Variants in ARL15 observed in about 807,000 individuals in gnomAD.
ARL15 encodes ADP-ribosylation factor-like protein 15.
A neutral mutation model predicts 25.2 loss-of-function variants in ARL15; 19 were observed. That is an observed-to-expected ratio of 0.75 (90% CI 0.53 to 1.10). The LOEUF is 1.10. Among genes scored for constraint, ARL15 ranks in the 50% least tolerant of loss-of-function variants. The pLI, the probability that ARL15 is intolerant of heterozygous loss-of-function variation, is 0.00. For missense variants in ARL15, 220 were observed against 246.0 expected (o/e 0.89, Z 0.71); for synonymous variants, 94 against 86.8 (o/e 1.08, Z -0.46).
intron 1 of ARL15, among the ~76,000 whole-genome samples, chr5:54,192,047 C>T (rs560867513): frequency 6.6e-6 from 1 of 152,282 alleles, no homozygotes; most frequent in East Asian, 1.9e-4. Flanking sequence ...GCAACCTGGC[C>T]TTCTTGCAGT....
chr5:54,136,361 T>G (rs1240821738), intron 3 of ARL15, among the ~76,000 whole-genome samples: 2 of 152,234 alleles, frequency 1.3e-5, no homozygotes, highest in African/African-American at 4.8e-5. Flanking sequence ...AAAAGTGAAT[T>G]AAAATGTGAC....
rs139715329 is a variant in ARL15, at chr5:54,156,188, A to C, written c.194-1549T>G. Among the ~76,000 whole-genome samples the C allele has an allele frequency of 1.5e-3, 221 of 152,300 alleles. 3 individuals carry two copies. The highest frequency in any genetic ancestry group is 5.2e-3 in the African/African-American group (215 of 41,556). On this transcript the variant is annotated intron_variant, in intron 2 of 4. Coordinates refer to ENST00000504924, the MANE Select transcript of ARL15 (RefSeq NM_019087.3). ...CTGCATGTTATCCCAGTACTTTAAT[A>C]AGCTGTACATTACCTTCCACCTAAA...
rs551336846 is a variant in ARL15, at chr5:54,178,297, A to G, written c.49-6369T>C. Among the ~76,000 whole-genome samples the G allele has an allele frequency of 3.3e-5, 5 of 152,350 alleles. No individual in the cohort carries two copies. The South Asian group carries it at 1.0e-3, about 32-fold the overall frequency. Reference sequence around the variant, plus strand: ...ATGAATACATGATTTTATTCTGAGCATGATTTCAATTTGATTGAAGCTCTG... The same window carrying G: ...ATGAATACATGATTTTATTCTGAGCGTGATTTCAATTTGATTGAAGCTCTG... On this transcript the variant is annotated intron_variant, in intron 1 of 4. Coordinates refer to ENST00000504924, the MANE Select transcript of ARL15 (RefSeq NM_019087.3).
At chr5:54,198,872 C>T (rs1189201906) in intron 1 of ARL15, among the ~76,000 whole-genome samples, 1 of 152,100 alleles carries the variant, frequency 6.6e-6, no homozygotes, top group South Asian at 2.1e-4. Flanking sequence ...AAGCTGGAGG[C>T]ATCACGCTAT....
intron 1 of ARL15, among the ~76,000 whole-genome samples, chr5:54,240,619 C>T (rs999007313): frequency 1.3e-5 from 2 of 152,162 alleles, no homozygotes; most frequent in Admixed American, 6.5e-5. Context: ...ACCATCAAAT[C>T]CTCAATGCCT....
chr5:53,917,380 A>G (rs1180621489), intron 4 of ARL15, among the ~76,000 whole-genome samples: 1 of 152,232 alleles, frequency 6.6e-6, no homozygotes, highest in Non-Finnish European at 1.5e-5. Context: ...GATAAGATAC[A>G]GACACCTTTT....
At chr5:54,261,414 C>A (rs1399103049) in intron 1 of ARL15, among the ~76,000 whole-genome samples, 1 of 152,032 alleles carries the variant, frequency 6.6e-6, no homozygotes, top group African/African-American at 2.4e-5. Context: ...CTAAAATAAT[C>A]GGTAGATTCC....
At chr5:54,213,798 T>C (rs1756108174) in intron 1 of ARL15, among the ~76,000 whole-genome samples, 1 of 152,152 alleles carries the variant, frequency 6.6e-6, no homozygotes, top group Non-Finnish European at 1.5e-5. Context: ...AAGAAATTAG[T>C]GCAGAAAATT....
At chr5:53,990,318 G>A (rs1340325856) in intron 4 of ARL15, among the ~76,000 whole-genome samples, 1 of 152,122 alleles carries the variant, frequency 6.6e-6, no homozygotes, top group African/African-American at 2.4e-5. Context: ...ATAAAAGAAT[G>A]CTCCTAGAGT....
intron 4 of ARL15, among the ~76,000 whole-genome samples, chr5:54,086,061 T>A (rs1561218237): frequency 6.6e-6 from 1 of 152,064 alleles, no homozygotes; most frequent in African/African-American, 2.4e-5. Flanking sequence ...ATTACAGGCA[T>A]GCGCCACCAC....
intron 4 of ARL15, among the ~76,000 whole-genome samples, chr5:53,887,945 G>A (rs1274829394): frequency 6.6e-6 from 1 of 151,440 alleles, no homozygotes; most frequent in Non-Finnish European, 1.5e-5. Context: ...ATATAAGCCA[G>A]AAGACATATA....
intron 1 of ARL15, among the ~76,000 whole-genome samples, chr5:54,186,135 T>C (rs1425092011): frequency 6.6e-6 from 1 of 152,358 alleles, no homozygotes; most frequent in African/African-American, 2.4e-5. Flanking sequence ...TAAATTTCTA[T>C]GTAGACCTAG....
intron 1 of ARL15, among the ~76,000 whole-genome samples, chr5:54,245,751 C>A (rs1430985606): frequency 6.6e-6 from 1 of 152,098 alleles, no homozygotes; most frequent in Non-Finnish European, 1.5e-5. Context: ...CCATGCCCAG[C>A]TAATTTTTGT....
At chr5:54,248,265 A>G (rs1435928445) in intron 1 of ARL15, among the ~76,000 whole-genome samples, 1 of 152,200 alleles carries the variant, frequency 6.6e-6, no homozygotes, top group Non-Finnish European at 1.5e-5. Context: ...AGTCAAACCA[A>G]CAAAACTATC....
intron 4 of ARL15, among the ~76,000 whole-genome samples, chr5:53,966,827 T>A (rs1275671782): frequency 6.6e-6 from 1 of 152,188 alleles, no homozygotes; most frequent in African/African-American, 2.4e-5. Flanking sequence ...CCCGCAAATA[T>A]GTGAGACAAA....
chr5:53,902,283 A>G lies in ARL15; in HGVS notation c.463-15570T>C, dbSNP rs980810708. On this transcript the variant is annotated intron_variant, in intron 4 of 4. Coordinates refer to ENST00000504924, the MANE Select transcript of ARL15 (RefSeq NM_019087.3). ...AACGTGATTTGATTTTGTCAAGTCT[A>G]GCTATTCTCCCTGCTAATCCAATAT... 7.9e-5 allele frequency among the ~76,000 whole-genome samples: 12 copies of G among 152,244 alleles called. 1 individual carries two copies. The highest frequency in any genetic ancestry group is 2.9e-4 in the African/African-American group (12 of 41,466).
intron 4 of ARL15, among the ~76,000 whole-genome samples, chr5:54,001,262 C>A (rs1302377742): frequency 6.6e-6 from 1 of 152,148 alleles, no homozygotes; most frequent in African/African-American, 2.4e-5. Flanking sequence ...ATACATTATA[C>A]ACACCTTTGA....
At chr5:54,061,870 C>G (rs1198469580) in intron 4 of ARL15, among the ~76,000 whole-genome samples, 1 of 152,134 alleles carries the variant, frequency 6.6e-6, no homozygotes, top group Non-Finnish European at 1.5e-5. Flanking sequence ...TCTGACAGCT[C>G]ACACCTTGCA....
At chr5:54,086,766 G>A (rs929478254) in intron 4 of ARL15, among the ~76,000 whole-genome samples, 2 of 152,048 alleles carry the variant, frequency 1.3e-5, no homozygotes, top group Non-Finnish European at 2.9e-5. Flanking sequence ...CTAATGATAC[G>A]TACAATGAAT....
Sources: gnomAD v4.1 joint callset for allele counts (sites outside exome capture counted in the v4.1 genomes callset) on GRCh38, gnomAD v4.1.1 for gene constraint, MANE v1.5 for transcripts, NCBI Gene and HGNC (gene_info 2026-07-23, HGNC 2026-07-21) for gene names.